MYH7: variants seen among roughly 807,000 people sequenced by gnomAD.
The protein encoded by MYH7 is myosin-7.
MYH7 carries 129 observed loss-of-function variants against 225.4 expected under a neutral mutation model. That is an observed-to-expected ratio of 0.57 (90% confidence interval 0.50 to 0.66). The LOEUF is 0.66. MYH7 is among the 30% of genes least tolerant of loss of function. MYH7 has a pLI of 0.00. For synonymous variants in MYH7, 971 were observed against 1,007.6 expected, an observed-to-expected ratio of 0.96 and a Z score of 0.69; for missense variants, 1,649 against 2,517.0, an observed-to-expected ratio of 0.66 and a Z score of 7.38.
rs1595089491 is a variant in MYH7, at chr14:23,431,643, G to A, written c.674C>T (p.Pro225Leu). 6.2e-7 allele frequency: 1 copy of A among 1,614,250 alleles called. No homozygotes were observed. The highest frequency in any genetic ancestry group is 8.5e-7 in the Non-Finnish European group (1 of 1,180,050). ...TLEDQIIQAN[P>L]ALEAFGNAKT... is the part of the protein sequence containing the mutation. ...GGCATTGCCAAAGGCCTCCAGAGCA[G>A]GGTTGGCCTGGATGATCTGGTCCTC... The change falls in exon 8 of 40, where the codon CCT becomes CTT. Residue 225 changes from proline (P) to leucine (L), a missense_variant. Pro to Leu is a moderately conservative substitution (Grantham distance 98, BLOSUM62 -3). Transcript: ENST00000355349.
At chr14:23,416,578 G>C (rs899807866) in intron 33 of MYH7, among the ~76,000 whole-genome samples, 1 of 152,194 alleles carries the variant, frequency 6.6e-6, no homozygotes, top group Admixed American at 6.5e-5. Flanking sequence ...GAGGCAATCA[G>C]GTATAGAGTA....
chr14:23,417,038 G>C (rs750901954), intron 32 of MYH7, 46 bp from the exon 33 acceptor site: 8 of 1,614,140 alleles, frequency 5.0e-6, no homozygotes, highest in Non-Finnish European at 6.8e-6. Context: ...CTGAGGTCCA[G>C]TGGAGTTGGA....
In MYH7 at chr14:23,415,511, G is replaced by A. The variant is rs1364805821; in HGVS notation, c.5158-5C>T. ...CTGGTTGATGAGGCTGGTGTTCTGG[G>A]TTGGGGGAGGGTTGGGCAGAGCAGG... On this transcript the variant is annotated splice_polypyrimidine_tract_variant and splice_region_variant and intron_variant, in intron 35 of 39. Coordinates refer to ENST00000355349, the MANE Select transcript of MYH7 (RefSeq NM_000257.4). This position sits in a 1 kb window ranked among gnomAD's most constrained non-coding sequence, Gnocchi z 6.3. 1 of 1,614,218 alleles carries A rather than the reference G, an allele frequency of 6.2e-7. No homozygotes were observed. The highest frequency in any genetic ancestry group is 1.1e-5 in the South Asian group (1 of 91,086).
At chr14:23,414,630 GA>G (rs751326576) in intron 37 of MYH7, among the ~76,000 whole-genome samples, 2 of 152,204 alleles carry the variant, frequency 1.3e-5, no homozygotes, top group African/African-American at 4.8e-5. Context: ...CCTGGGCAAT[GA>G]AAAAGTTTTT....
At chr14:23,417,806 C>G (rs1455055715) in intron 30 of MYH7, 120 bp from the exon 31 acceptor site, 3 of 1,381,358 alleles carry the variant, frequency 2.2e-6, no homozygotes, top group South Asian at 1.2e-5. Flanking sequence ...GCTGGAGAAG[C>G]CTGAGGACAG....
Position 23,432,788 on chromosome 14 carries a change from G to A in MYH7, c.353C>T (p.Ser118Leu). Reference sequence around the variant, plus strand: ...GTTGACGGTGACACAGAAGAGGCCCGAGTAGGTCTGGGGATAGAAAAGGAG... The same window carrying A: ...GTTGACGGTGACACAGAAGAGGCCCAAGTAGGTCTGGGGATAGAAAAGGAG... ...RYGSWMIYTY[S>L]GLFCVTVNPY... Residue 118 changes from serine (S) to leucine (L), a missense_variant, in exon 5 of 40, where the codon TCG becomes TTG. Around this residue, in one of 12 missense-constraint regions of MYH7, gnomAD observed 77 missense variants for 144.0 expected, o/e 0.53. Transcript: ENST00000355349. The A allele has an allele frequency of 1.2e-6, 2 of 1,614,204 alleles. No homozygotes were observed. The highest frequency in any genetic ancestry group is 1.7e-6 in the Non-Finnish European group (2 of 1,180,038).
At chr14:23,424,684 T>G in intron 22 of MYH7, 85 bp downstream of exon 22, 1 of 1,599,234 alleles carries the variant, frequency 6.3e-7, no homozygotes, top group Non-Finnish European at 8.5e-7. Flanking sequence ...AACAAGACAG[T>G]GAGCCCCTGT....
chr14:23,415,872 T>A lies in MYH7; in HGVS notation c.4954-40A>T, dbSNP rs1433097535. 2 of 1,613,706 alleles carry A rather than the reference T, an allele frequency of 1.2e-6. No homozygotes were observed. The highest frequency in any genetic ancestry group is 3.3e-5 in the Admixed American group (2 of 59,998). ...AGTGGGCATGAGCAGGGAGCCAGCC[T>A]CGGTTCCCTTCACTAAAGGCACCTG... On this transcript the variant is annotated intron_variant, in intron 34 of 39. Coordinates refer to ENST00000355349, the MANE Select transcript of MYH7 (RefSeq NM_000257.4). This position sits in a 1 kb window ranked among gnomAD's most constrained non-coding sequence, Gnocchi z 6.3.
rs746453011 is a variant in MYH7, at chr14:23,422,248, C to A, written c.3177G>T (p.Leu1059=). The A allele has an allele frequency of 4.3e-6, 7 of 1,614,058 alleles. No homozygotes were observed. Among genetic ancestry groups the A allele is most frequent in the Non-Finnish European group, 5.9e-6 (7 of 1,180,012 alleles). The change falls in exon 25 of 40, where the codon CTG becomes CTT. Residue 1059 remains leucine, a synonymous_variant. Coordinates refer to ENST00000355349, the MANE Select transcript of MYH7 (RefSeq NM_000257.4). ...CCATGATGCTCTCCTGGGTCAGCTT[C>A]AGGTCGCCCTCCAGCTTCCGCTTCG... The part of the protein sequence containing the change: ...ERAKRKLEGD[L]KLTQESIMDL...
chr14:23,414,209 C>T (rs1892091761), intron 37 of MYH7, 107 bp from the exon 38 acceptor site: 1 of 879,572 alleles, frequency 1.1e-6, no homozygotes, highest in East Asian at 2.5e-5. Context: ...ATTCTACTTT[C>T]TGATCCTCAC....
chr14:23,423,760 G>C (rs371640392), intron 23 of MYH7, 37 bp from the exon 24 acceptor site: 1 of 1,613,816 alleles, frequency 6.2e-7, no homozygotes, highest in Non-Finnish European at 8.5e-7. Flanking sequence ...TAGGGTCAAA[G>C]GTCACCAGCT....
intron 18 of MYH7, among the ~76,000 whole-genome samples, 154 bp downstream of exon 18, chr14:23,426,623 A>AGAGG (rs1226934279): frequency 2.6e-5 from 4 of 152,170 alleles, no homozygotes; most frequent in Admixed American, 2.6e-4. Context: ...GGTAGCGCTG[A>AGAGG]GAGGGAGGTA....
At position 23,423,538 on chromosome 14, in the gene MYH7, T is replaced by A. The variant is rs1320579178; in HGVS notation, c.3099+9A>T. On this transcript the variant is annotated intron_variant, in intron 24 of 39. Transcript: ENST00000355349. ...CATATCTAGGCCCCACAACTCTCAA[T>A]CTACTCACATCATCCACTTGCTGCT... The A allele has an allele frequency of 6.2e-7, 1 of 1,612,320 alleles. No individual in the cohort carries two copies. Among genetic ancestry groups the A allele is most frequent in the African/African-American group, 1.3e-5 (1 of 74,530 alleles).
At position 23,424,931 on chromosome 14, in the gene MYH7, C is replaced by T. The variant is rs952149120; in HGVS notation, c.2517G>A (p.Leu839=). The T allele has an allele frequency of 1.2e-6, 2 of 1,614,132 alleles. No individual in the cohort carries two copies. The highest frequency in any genetic ancestry group is 1.7e-6 in the Non-Finnish European group (2 of 1,180,048). Residue 839 remains leucine (L), a synonymous_variant, in exon 22 of 40, where the codon CTG becomes CTA. Coordinates refer to ENST00000355349, the MANE Select transcript of MYH7 (RefSeq NM_000257.4). Reference sequence around the variant, plus strand: ...CCTTCTCTCTTTCTGCACTCTTCAGCAGCGGCTTGATCTTGAAGTAGAGCT... The same window carrying T: ...CCTTCTCTCTTTCTGCACTCTTCAGTAGCGGCTTGATCTTGAAGTAGAGCT... ...WMKLYFKIKP[L]LKSAEREKEM... is the part of the protein sequence containing the mutation.
At chr14:23,429,963 G>A (rs1295823279) in intron 11 of MYH7, 50 bp from the exon 12 acceptor site, 2 of 1,607,418 alleles carry the variant, frequency 1.2e-6, no homozygotes, top group Admixed American at 3.3e-5. Context: ...AGTATGATGG[G>A]TAAGTGAGAT....
intron 30 of MYH7, 159 bp from the exon 31 acceptor site, chr14:23,417,845 G>T: frequency 9.1e-7 from 1 of 1,101,388 alleles, no homozygotes; most frequent in Non-Finnish European, 1.4e-6. Flanking sequence ...ATCAGGCAGA[G>T]GATCCCAGCA....
In MYH7 at chr14:23,425,307, C is replaced by T; in HGVS notation, c.2398G>A (p.Glu800Lys). Reference protein sequence around the residue: ...AQSRGVLARMEYKKLLERRDS... With the variant: ...AQSRGVLARMKYKKLLERRDS... ...CTACGTTCCAGCAGCTTTTTGTACT[C>T]CATTCTGGCGAGCACACCTCGGGAC... The change falls in exon 21 of 40, where the codon GAG becomes AAG. Residue 800 changes from glutamate (E) to lysine (K), a missense_variant. Transcript: ENST00000355349. This position sits in a 1 kb window ranked among gnomAD's most constrained non-coding sequence, Gnocchi z 4.6. 1 of 1,614,206 alleles carries T rather than the reference C, an allele frequency of 6.2e-7. No homozygotes were observed.
intron 15 of MYH7, 32 bp downstream of exon 15, chr14:23,428,468 G>A (rs758194541): frequency 1.2e-6 from 2 of 1,613,916 alleles, no homozygotes. Context: ...GGGTGTGCAG[G>A]GAGAATTCAG....
chr14:23,419,242 G>A lies in MYH7; in HGVS notation c.3907C>T (p.Arg1303Ter), dbSNP rs1443114333. ...EKEALISQLTRGKLTYTQQLE... is the reference protein window; with the variant it reads ...EKEALISQLT ...TGCTGGGTGTAGGTGAGCTTGCCTC[G>A]GGTCAGCTGGGAGATCAGTGCCTCC... The change falls in exon 29 of 40, where the codon CGA becomes TGA. Residue 1303 changes from arginine (R) to a stop codon, truncating the protein, a stop_gained. Coordinates refer to ENST00000355349, the MANE Select transcript of MYH7 (RefSeq NM_000257.4). LOFTEE classifies it high-confidence loss of function. 4 of 1,614,102 alleles carry A rather than the reference G, an allele frequency of 2.5e-6. No individual in the cohort carries two copies. The highest frequency in any genetic ancestry group is 1.1e-5 in the South Asian group (1 of 91,074).
Sources: allele counts gnomAD v4.1 joint callset (sites outside exome capture counted in the v4.1 genomes callset), GRCh38; gene constraint gnomAD v4.1.1; regional missense constraint gnomAD v4.1.1; non-coding constraint Gnocchi (gnomAD v3.1); transcripts MANE v1.5; gene names NCBI Gene and HGNC (gene_info 2026-07-23, HGNC 2026-07-21).